The following MED27 variants were observed in gnomAD, a reference collection of about 807,000 sequenced individuals.
MED27 encodes mediator of RNA polymerase II transcription subunit 27.
A neutral mutation model predicts 38.2 loss-of-function variants in MED27; 30 were observed. The ratio of observed to expected loss-of-function variants is 0.79; its 90% confidence interval spans 0.59 to 1.07. MED27 has a LOEUF of 1.07. Among genes scored for constraint, MED27 ranks in the 50% least tolerant of loss-of-function variants. The pLI is 0.00. For synonymous variants in MED27, 122 were observed against 153.5 expected (o/e 0.79, Z 1.52); for missense variants, 289 against 397.5 (o/e 0.73, Z 2.32).
At chr9:131,938,806 C>G (rs1323373534) in intron 4 of MED27, among the ~76,000 whole-genome samples, 1 of 151,854 alleles carries the variant, frequency 6.6e-6, no homozygotes, top group Non-Finnish European at 1.5e-5. Flanking sequence ...CTCCGCCTCC[C>G]AGGTTCATGC....
Position 131,993,939 on chromosome 9 carries a change from G to A in MED27, c.479+20398C>T, listed in dbSNP as rs564065890. 7.9e-4 allele frequency among the ~76,000 whole-genome samples: 120 copies of A among 152,232 alleles called. 1 individual carries two copies. The highest frequency in any genetic ancestry group is 2.8e-3 in the African/African-American group (117 of 41,546). On this transcript the variant is annotated intron_variant, in intron 3 of 7. Transcript: ENST00000292035. Reference sequence around the variant, plus strand: ...TGAGTGTGCCCTGTGATGGGATGGCGTCCTGTCCAGGGTTGGTTTCTGCCT... The same window carrying A: ...TGAGTGTGCCCTGTGATGGGATGGCATCCTGTCCAGGGTTGGTTTCTGCCT...
At chr9:131,971,359 A>T (rs899143571) in intron 3 of MED27, among the ~76,000 whole-genome samples, 1 of 152,204 alleles carries the variant, frequency 6.6e-6, no homozygotes, top group Non-Finnish European at 1.5e-5. Flanking sequence ...TAGCAAGGAC[A>T]GGGGGAGAGA....
chr9:131,868,303 G>A (rs1195469582), intron 6 of MED27, among the ~76,000 whole-genome samples: 1 of 152,154 alleles, frequency 6.6e-6, no homozygotes, highest in Non-Finnish European at 1.5e-5. Context: ...TTTTGAGACA[G>A]GGTATTGCTC....
intron 4 of MED27, among the ~76,000 whole-genome samples, chr9:131,908,155 C>T (rs1830109136): frequency 6.7e-6 from 1 of 149,360 alleles, no homozygotes; most frequent in African/African-American, 2.5e-5. Flanking sequence ...CTCGGCCAGC[C>T]GCCCCGTCCA....
intron 6 of MED27, among the ~76,000 whole-genome samples, chr9:131,871,330 C>T (rs909247109): frequency 2.0e-5 from 3 of 152,148 alleles, no homozygotes; most frequent in African/African-American, 7.2e-5. Flanking sequence ...TTTATGTTGA[C>T]CAGATAGAGG....
intron 3 of MED27, among the ~76,000 whole-genome samples, chr9:132,005,035 A>C (rs1041512140): frequency 6.6e-6 from 1 of 152,216 alleles, no homozygotes; most frequent in Non-Finnish European, 1.5e-5. Context: ...CTTTCTGCCC[A>C]ATCACTGAAT....
intron 6 of MED27, among the ~76,000 whole-genome samples, chr9:131,870,781 GTCACT>G (rs2131459323): frequency 6.6e-6 from 1 of 152,292 alleles, no homozygotes; most frequent in East Asian, 1.9e-4. Flanking sequence ...CCCAGTTCCT[GTCACT>G]TATACAATGT....
intron 4 of MED27, 100 bp downstream of exon 4, chr9:131,939,281 A>T: frequency 1.6e-6 from 1 of 622,676 alleles, no homozygotes; most frequent in Non-Finnish European, 2.6e-6. Flanking sequence ...ATTGGAATTT[A>T]ATCCCCATTC....
At chr9:132,057,830 C>T (rs747623731) in intron 2 of MED27, among the ~76,000 whole-genome samples, 2 of 152,200 alleles carry the variant, frequency 1.3e-5, no homozygotes, top group East Asian at 3.8e-4. Flanking sequence ...AAGGAGACAT[C>T]AGGACTGTGG....
chr9:132,065,351 C>T (rs1833785719), intron 2 of MED27, among the ~76,000 whole-genome samples: 1 of 152,224 alleles, frequency 6.6e-6, no homozygotes, highest in African/African-American at 2.4e-5. Flanking sequence ...CTGAAACACA[C>T]AGACACACGC....
intron 6 of MED27, among the ~76,000 whole-genome samples, chr9:131,870,948 A>G (rs1838821324): frequency 6.6e-6 from 1 of 152,246 alleles, no homozygotes; most frequent in Non-Finnish European, 1.5e-5. Flanking sequence ...AAGAAGGGGA[A>G]ATCGGGCAAA....
intron 6 of MED27, among the ~76,000 whole-genome samples, chr9:131,877,498 C>A (rs1838957622): frequency 6.6e-6 from 1 of 152,126 alleles, no homozygotes; most frequent in Admixed American, 6.6e-5. Flanking sequence ...ATTGCTTGAA[C>A]TTGGGAGGTG....
intron 3 of MED27, among the ~76,000 whole-genome samples, chr9:131,990,553 C>G (rs1294982708): frequency 1.3e-5 from 2 of 152,218 alleles, no homozygotes; most frequent in Non-Finnish European, 2.9e-5. Context: ...GTTTATGGAG[C>G]ATCCTCAAAT....
intron 2 of MED27, among the ~76,000 whole-genome samples, chr9:132,054,584 T>C (rs1476256141): frequency 6.6e-6 from 1 of 152,084 alleles, no homozygotes; most frequent in Non-Finnish European, 1.5e-5. Context: ...GCTAACTTTT[T>C]TTGTATTGTT....
chr9:131,947,737 G>T (rs1196249995), intron 3 of MED27, among the ~76,000 whole-genome samples: 1 of 151,516 alleles, frequency 6.6e-6, no homozygotes, highest in African/African-American at 2.4e-5. Flanking sequence ...TCCCATGTTA[G>T]TGTGATGCTT....
chr9:131,938,360 T>C lies in MED27; in HGVS notation c.573+1021A>G, dbSNP rs529237029. Among the ~76,000 whole-genome samples the C allele has an allele frequency of 4.0e-4, 61 of 152,356 alleles. 1 individual carries two copies. The South Asian group carries it at 0.012, about 29-fold the overall frequency. On this transcript the variant is annotated intron_variant, in intron 4 of 7. Coordinates refer to ENST00000292035, the MANE Select transcript of MED27 (RefSeq NM_004269.4). The stretch of plus-strand genomic sequence containing the variant: ...CATCGAAACCATCATTCTTATTCAA[T>C]AAACTCTGCTTTTTATAAAATGTGG...
chr9:132,045,938 TG>T (rs1257217454), intron 2 of MED27, among the ~76,000 whole-genome samples: 1 of 152,178 alleles, frequency 6.6e-6, no homozygotes, highest in South Asian at 2.1e-4. Flanking sequence ...GCCTAATGGC[TG>T]GAGCTCCAGC....
At chr9:132,062,396 T>C (rs1253581030) in intron 2 of MED27, among the ~76,000 whole-genome samples, 1 of 152,036 alleles carries the variant, frequency 6.6e-6, no homozygotes, top group African/African-American at 2.4e-5. Context: ...AAGTAACAAA[T>C]ATAGAAAAAT....
chr9:131,893,049 G>C (rs1839254640), intron 5 of MED27, among the ~76,000 whole-genome samples: 1 of 152,238 alleles, frequency 6.6e-6, no homozygotes, highest in Admixed American at 6.5e-5. Context: ...CTAAGCCACA[G>C]TTACCACCTT....
Sources: gnomAD v4.1 joint callset for allele counts (sites outside exome capture counted in the v4.1 genomes callset) on GRCh38, gnomAD v4.1.1 for gene constraint, MANE v1.5 for transcripts, NCBI Gene and HGNC (gene_info 2026-07-23, HGNC 2026-07-21) for gene names.